CERKL: variants seen among roughly 807,000 people sequenced by gnomAD.
CERKL encodes the protein CERK like autophagy regulator.
Under a neutral mutation model 63.4 loss-of-function variants are expected in CERKL, and 61 were observed. The ratio of observed to expected loss-of-function variants is 0.96; its 90% CI spans 0.78 to 1.19. CERKL has a LOEUF of 1.19. Ranked by LOEUF, CERKL falls within the 50% of genes most tolerant of loss-of-function variation. CERKL has a pLI of 0.00. For missense variants in CERKL, 675 were observed against 655.5 expected, an observed-to-expected ratio of 1.03 and a Z score of -0.33; for synonymous variants, 250 against 230.5, an observed-to-expected ratio of 1.08 and a Z score of -0.77.
intron 2 of CERKL, among the ~76,000 whole-genome samples, chr2:181,589,232 C>T (rs967913743): frequency 3.9e-5 from 6 of 152,128 alleles, no homozygotes; most frequent in African/African-American, 1.2e-4. Context: ...AGGCATCTGC[C>T]CATTTGCCCA....
chr2:181,614,736 A>G (rs1020702609), intron 1 of CERKL, among the ~76,000 whole-genome samples: 6 of 152,326 alleles, frequency 3.9e-5, no homozygotes, highest in African/African-American at 1.4e-4. Flanking sequence ...ATACATACAG[A>G]CAGTATAGTA....
At chr2:181,590,607 G>A (rs1425115962) in intron 2 of CERKL, among the ~76,000 whole-genome samples, 1 of 152,008 alleles carries the variant, frequency 6.6e-6, no homozygotes, top group East Asian at 1.9e-4. Flanking sequence ...AAAGTATTAT[G>A]GAATATGGGA....
At chr2:181,650,617 G>A (rs531409428) in intron 1 of CERKL, among the ~76,000 whole-genome samples, 1 of 152,230 alleles carries the variant, frequency 6.6e-6, no homozygotes, top group Non-Finnish European at 1.5e-5. Context: ...AATTAGCTAG[G>A]TGTGGTGGCA....
chr2:181,633,966 T>C (rs1403318852), intron 1 of CERKL, among the ~76,000 whole-genome samples: 3 of 152,112 alleles, frequency 2.0e-5, no homozygotes, highest in African/African-American at 4.8e-5. Context: ...TCAGGACCAA[T>C]AGACAGAAAT....
chr2:181,580,321 A>C (rs1268602698), intron 2 of CERKL, among the ~76,000 whole-genome samples: 1 of 151,878 alleles, frequency 6.6e-6, no homozygotes, highest in East Asian at 1.9e-4. Context: ...CCCCTAACTG[A>C]TCTCCTAACT....
At chr2:181,648,564 G>T (rs1300056479) in intron 1 of CERKL, among the ~76,000 whole-genome samples, 1 of 151,988 alleles carries the variant, frequency 6.6e-6, no homozygotes, top group Non-Finnish European at 1.5e-5. Context: ...AGCTGTAAAT[G>T]AAAAAATGAT....
Position 181,625,719 on chromosome 2 carries a change from C to T in CERKL, c.239-21640G>A, listed in dbSNP as rs188821530. 1.6e-4 allele frequency among the ~76,000 whole-genome samples: 24 copies of T among 152,254 alleles called. No individual in the cohort carries two copies. In the East Asian group the frequency reaches 4.6e-3, roughly 29 times the overall value. On this transcript the variant is annotated intron_variant, in intron 1 of 12. Coordinates refer to ENST00000410087, the MANE Select transcript of CERKL (RefSeq NM_201548.5). ...GAGGGAAATGCTTTCACTTTTGAGC[C>T]TGACGGGTCATTCCTAAAACAAGAG... is the stretch of plus-strand genomic sequence containing the variant.
intron 1 of CERKL, among the ~76,000 whole-genome samples, chr2:181,615,626 T>C (rs373959545): frequency 6.6e-6 from 1 of 152,276 alleles, no homozygotes. Context: ...AACAATTTTT[T>C]TGGCTCTTCA....
At chr2:181,653,689 T>G (rs2105554937) in intron 1 of CERKL, among the ~76,000 whole-genome samples, 1 of 152,314 alleles carries the variant, frequency 6.6e-6, no homozygotes, top group African/African-American at 2.4e-5. Flanking sequence ...AGAATCTTTT[T>G]CTATTATAAA....
intron 11 of CERKL, among the ~76,000 whole-genome samples, 192 bp from the exon 12 acceptor site, chr2:181,539,456 C>G (rs1038891851): frequency 2.0e-5 from 3 of 152,064 alleles, no homozygotes; most frequent in Non-Finnish European, 4.4e-5. Flanking sequence ...CTTTTGGGTT[C>G]TTTTAGATCT....
At chr2:181,547,419 A>G (rs1687774296) in intron 10 of CERKL, among the ~76,000 whole-genome samples, 199 bp downstream of exon 10, 1 of 152,214 alleles carries the variant, frequency 6.6e-6, no homozygotes, top group African/African-American at 2.4e-5. Flanking sequence ...GTGACGTTAA[A>G]TAGTCAATGA....
chr2:181,595,812 AATTTT>A (rs1448443110), intron 2 of CERKL, among the ~76,000 whole-genome samples: 1 of 152,190 alleles, frequency 6.6e-6, no homozygotes, highest in Non-Finnish European at 1.5e-5. Flanking sequence ...CAAAACTCAT[AATTTT>A]ATTTCCCTTC....
In CERKL at chr2:181,656,768, C is replaced by T. The variant is rs1276597208; in HGVS notation, c.238+1G>A. 2 of 1,590,466 alleles carry T rather than the reference C, an allele frequency of 1.3e-6. No individual in the cohort carries two copies. The highest frequency in any genetic ancestry group is 3.4e-5 in the Admixed American group (2 of 58,876). On this transcript the variant is annotated splice_donor_variant, in intron 1 of 12. Transcript: ENST00000410087. LOFTEE classifies it high-confidence loss of function. ...GAAGACGCTTGGGGCCGGGCACTCACCCGCCGGGCGCTCGGGCTGAATGGG... is the reference window on the plus strand; with the variant it reads ...GAAGACGCTTGGGGCCGGGCACTCATCCGCCGGGCGCTCGGGCTGAATGGG...
intron 1 of CERKL, among the ~76,000 whole-genome samples, chr2:181,631,319 C>A (rs572796974): frequency 2.6e-5 from 4 of 152,188 alleles, no homozygotes; most frequent in Non-Finnish European, 5.9e-5. Flanking sequence ...AGAACCAGAG[C>A]TTCTCAGAGC....
chr2:181,623,592 G>T (rs1574509274), intron 1 of CERKL, among the ~76,000 whole-genome samples: 1 of 152,276 alleles, frequency 6.6e-6, no homozygotes, highest in Admixed American at 6.5e-5. Flanking sequence ...TGCCAGTCTT[G>T]TTCCACACAG....
intron 2 of CERKL, among the ~76,000 whole-genome samples, chr2:181,602,571 GGGA>G (rs72210810): frequency 0.18 from 27,497 of 152,066 alleles, 3,952 homozygotes; most frequent in African/African-American, 0.4. Context: ...GGGGCTAGCA[GGGA>G]AGCATGGAGC....
intron 1 of CERKL, among the ~76,000 whole-genome samples, chr2:181,635,687 T>A (rs1015392382): frequency 1.3e-5 from 2 of 152,210 alleles, no homozygotes; most frequent in Admixed American, 6.5e-5. Context: ...TTTGTAACAT[T>A]TAGTAAACTT....
intron 3 of CERKL, among the ~76,000 whole-genome samples, chr2:181,568,182 G>A (rs905546675): frequency 1.3e-5 from 2 of 152,130 alleles, no homozygotes; most frequent in Non-Finnish European, 2.9e-5. Context: ...ATAAAATCAG[G>A]TGAGATTTGA....
At position 181,573,743 on chromosome 2, in the gene CERKL, A is replaced by T. The variant is rs2105846383; in HGVS notation, c.613+10T>A. On this transcript the variant is annotated intron_variant, in intron 3 of 12. Coordinates refer to ENST00000410087, the MANE Select transcript of CERKL (RefSeq NM_201548.5). ...GTAGATGGTGAAATTATATTCTGAA[A>T]ATTACTTACTTGTTACATCAGTTTT... The T allele has an allele frequency of 3.1e-6, 5 of 1,610,564 alleles. No individual in the cohort carries two copies. The highest frequency in any genetic ancestry group is 4.2e-6 in the Non-Finnish European group (5 of 1,177,576).
Sources: gnomAD v4.1 joint callset for allele counts (sites outside exome capture counted in the v4.1 genomes callset) on GRCh38, gnomAD v4.1.1 for gene constraint, MANE v1.5 for transcripts, NCBI Gene and HGNC (gene_info 2026-07-23, HGNC 2026-07-21) for gene names.